The following NAV2 variants were observed in gnomAD, a reference collection of about 807,000 sequenced individuals.
NAV2 encodes helicase, APC down-regulated 1.
A neutral mutation model predicts 223.2 loss-of-function variants in NAV2; 54 were observed. That is an observed-to-expected ratio of 0.24 (90% CI 0.19 to 0.30). The LOEUF (loss-of-function observed/expected upper bound fraction) is 0.30, where lower values mean the gene tolerates loss of function less well. Ranked by LOEUF, NAV2 falls within the 10% of genes least tolerant of loss-of-function variation. The pLI, the probability that NAV2 is intolerant of heterozygous loss-of-function variation, is 1.00. For synonymous variants in NAV2, 1,279 were observed against 1,239.3 expected (o/e 1.03, Z -0.67); for missense variants, 2,806 against 3,147.5 (o/e 0.89, Z 2.60).
intron 1 of NAV2, among the ~76,000 whole-genome samples, chr11:19,662,174 T>C (rs769171524): frequency 2.1e-4 from 32 of 152,302 alleles, no homozygotes; most frequent in Non-Finnish European, 4.3e-4. Flanking sequence ...TTTAAACAAG[T>C]TTATTACAAA....
chr11:19,540,486 C>T (rs1251087751), intron 1 of NAV2, among the ~76,000 whole-genome samples: 1 of 152,134 alleles, frequency 6.6e-6, no homozygotes, highest in Non-Finnish European at 1.5e-5. Flanking sequence ...ATTCCCATTC[C>T]CATTAAATGC....
At chr11:19,499,696 A>G (rs1246673457) in intron 1 of NAV2, among the ~76,000 whole-genome samples, 3 of 152,158 alleles carry the variant, frequency 2.0e-5, no homozygotes, top group East Asian at 1.9e-4. Flanking sequence ...TGTGTAGAGT[A>G]AATGTGATAA....
chr11:20,030,237 G>A (rs2055572204), intron 11 of NAV2, among the ~76,000 whole-genome samples: 1 of 152,164 alleles, frequency 6.6e-6, no homozygotes, highest in Admixed American at 6.5e-5. Context: ...AAAACCTGGT[G>A]AGGAGAGAAG....
At chr11:19,681,362 G>T (rs928155705) in intron 1 of NAV2, among the ~76,000 whole-genome samples, 5 of 152,180 alleles carry the variant, frequency 3.3e-5, no homozygotes, top group Non-Finnish European at 5.9e-5. Flanking sequence ...TTTATATATA[G>T]GGAAGTTGAA....
chr11:19,634,974 C>T (rs1398437040), intron 1 of NAV2, among the ~76,000 whole-genome samples: 2 of 152,156 alleles, frequency 1.3e-5, no homozygotes, highest in African/African-American at 2.4e-5. Flanking sequence ...ACGTTAACTG[C>T]TGTAATAAGT....
chr11:19,998,417 A>G lies in NAV2; in HGVS notation c.2768+14170A>G, dbSNP rs1830745024. Among the ~76,000 whole-genome samples, 1 of 152,044 alleles carries G rather than the reference A, an allele frequency of 6.6e-6. No individual in the cohort carries two copies. The highest frequency in any genetic ancestry group is 1.5e-5 in the Non-Finnish European group (1 of 68,004). ...GTACCCACCAGGGCCTTCATGCGGT[A>G]CGTTCTCCACCCAGAAGCTATTGTA... On this transcript the variant is annotated intron_variant, in intron 11 of 37. Transcript: ENST00000349880. The surrounding 1 kb of genome is among the most constrained non-coding windows in gnomAD (Gnocchi z 5.0).
chr11:20,045,552 G>C lies in NAV2; in HGVS notation c.3784G>C (p.Val1262Leu), dbSNP rs776464970. Residue 1262 changes from valine to leucine, a missense_variant, in exon 14 of 38, where the codon GTG becomes CTG. Val to Leu is a conservative substitution (Grantham distance 32). Around this residue, in one of 4 missense-constraint regions of NAV2, gnomAD observed 742 missense variants for 777.9 expected, o/e 0.95. Coordinates refer to ENST00000349880, the MANE Select transcript of NAV2 (RefSeq NM_145117.5). ...EKGISSDNES[V>L]ASCNSVKVNP... ...AGGCATCTCATCAGACAACGAGAGT[G>C]TGGCTTCCTGTAACTCGGTGAAAGT... 1 of 1,614,182 alleles carries C rather than the reference G, an allele frequency of 6.2e-7. No individual in the cohort carries two copies. The highest frequency in any genetic ancestry group is 1.7e-5 in the Admixed American group (1 of 60,036).
chr11:19,684,656 G>GC (rs936619530), intron 1 of NAV2, among the ~76,000 whole-genome samples: 3 of 151,964 alleles, frequency 2.0e-5, no homozygotes, highest in Admixed American at 1.3e-4. Context: ...ATCACTCAAG[G>GC]CCCCCCCACA....
At chr11:19,997,203 A>G (rs1412008251) in intron 11 of NAV2, among the ~76,000 whole-genome samples, 2 of 152,136 alleles carry the variant, frequency 1.3e-5, no homozygotes, top group Non-Finnish European at 2.9e-5. Flanking sequence ...ATGGGGTGCA[A>G]AGTTTGACAC....
chr11:19,662,248 A>G (rs1001041013), intron 1 of NAV2, among the ~76,000 whole-genome samples: 1 of 152,240 alleles, frequency 6.6e-6, no homozygotes, highest in African/African-American at 2.4e-5. Flanking sequence ...AAAGACCAGA[A>G]GGTTGTTATC....
In NAV2 at chr11:20,105,597, G is replaced by A. The variant is rs2061970083; in HGVS notation, c.6711G>A (p.Lys2237=). 1 of 1,613,986 alleles carries A rather than the reference G, an allele frequency of 6.2e-7. No homozygotes were observed. The highest frequency in any genetic ancestry group is 1.7e-5 in the Admixed American group (1 of 60,006). ...KGFLGRFLRR[K]LMETEISGRV... ...TCCTTGGCCGATTCCTGAGGAGGAA[G>A]CTCATGGAAACAGAGATCAGTGGGC... Residue 2237 remains lysine (K), a synonymous_variant, in exon 35 of 38, where the codon AAG becomes AAA. Coordinates refer to ENST00000349880, the MANE Select transcript of NAV2 (RefSeq NM_145117.5).
chr11:19,843,147 T>G (rs2060596638), intron 3 of NAV2, among the ~76,000 whole-genome samples: 1 of 152,212 alleles, frequency 6.6e-6, no homozygotes, highest in Non-Finnish European at 1.5e-5. Flanking sequence ...ACAGTTAAAG[T>G]GAAATATTGT....
At chr11:19,576,401 T>C (rs2045572207) in intron 1 of NAV2, among the ~76,000 whole-genome samples, 1 of 152,240 alleles carries the variant, frequency 6.6e-6, no homozygotes, top group African/African-American at 2.4e-5. Context: ...TCATGTTTCA[T>C]TTGTTTGTTT....
chr11:19,873,588 G>C (rs2062661177), intron 4 of NAV2, among the ~76,000 whole-genome samples: 1 of 152,090 alleles, frequency 6.6e-6, no homozygotes, highest in South Asian at 2.1e-4. Flanking sequence ...TTGCTGCCCT[G>C]ATGGCCAGAG....
intron 1 of NAV2, among the ~76,000 whole-genome samples, chr11:19,497,585 A>C (rs2042837597): frequency 6.6e-6 from 1 of 152,166 alleles, no homozygotes; most frequent in Admixed American, 6.5e-5. Context: ...CTACTCATCC[A>C]TGGTTAGACA....
chr11:19,435,382 C>T (rs1851180250), intron 1 of NAV2, among the ~76,000 whole-genome samples: 1 of 152,044 alleles, frequency 6.6e-6, no homozygotes, highest in African/African-American at 2.4e-5. Flanking sequence ...TAGGTTCATC[C>T]ATGTTGTCAC....
At chr11:19,364,581 T>C (rs1437307334) in intron 1 of NAV2, among the ~76,000 whole-genome samples, 2 of 152,204 alleles carry the variant, frequency 1.3e-5, no homozygotes, top group African/African-American at 2.4e-5. Context: ...TCTGGCATAT[T>C]TGTGTCCCCT....
At chr11:19,639,444 T>C (rs2047598133) in intron 1 of NAV2, among the ~76,000 whole-genome samples, 1 of 152,218 alleles carries the variant, frequency 6.6e-6, no homozygotes, top group African/African-American at 2.4e-5. Flanking sequence ...AGTTATACTT[T>C]AGATCTAGCA....
intron 1 of NAV2, among the ~76,000 whole-genome samples, chr11:19,353,218 C>G (rs1199254142): frequency 6.6e-6 from 1 of 152,074 alleles, no homozygotes; most frequent in African/African-American, 2.4e-5. Context: ...AGATGTTTAG[C>G]GAAAGACAAT....
Sources: allele counts gnomAD v4.1 joint callset (sites outside exome capture counted in the v4.1 genomes callset), GRCh38; gene constraint gnomAD v4.1.1; regional missense constraint gnomAD v4.1.1; non-coding constraint Gnocchi (gnomAD v3.1); transcripts MANE v1.5; gene names NCBI Gene and HGNC (gene_info 2026-07-23, HGNC 2026-07-21).